Variants in CDH13 observed in about 807,000 individuals in gnomAD.
CDH13 encodes the protein cadherin 13.
A neutral mutation model predicts 63.8 loss-of-function variants in CDH13; 24 were observed. That is an observed-to-expected ratio of 0.38 (90% confidence interval 0.27 to 0.53). The LOEUF (loss-of-function observed/expected upper bound fraction) is 0.53, where lower values mean the gene tolerates loss of function less well. Among genes scored for constraint, CDH13 ranks in the 20% least tolerant of loss-of-function variants. The probability of loss-of-function intolerance (pLI) is 0.85; values close to 1 mark genes in which losing one functional copy is unlikely to be tolerated. For synonymous variants in CDH13, 503 were observed against 355.3 expected (o/e 1.42, Z -4.67); for missense variants, 1,049 against 903.1 (o/e 1.16, Z -2.07).
intron 6 of CDH13, among the ~76,000 whole-genome samples, chr16:83,380,438 A>G (rs1157807544): frequency 1.3e-5 from 2 of 152,216 alleles, no homozygotes; most frequent in Non-Finnish European, 2.9e-5. Flanking sequence ...ATTTGAAGAT[A>G]AAAGACGTGA....
At chr16:83,452,803 A>T (rs2072919798) in intron 6 of CDH13, among the ~76,000 whole-genome samples, 1 of 152,194 alleles carries the variant, frequency 6.6e-6, no homozygotes. Context: ...TTCGTGGATG[A>T]AGTGATACTG....
At chr16:82,833,731 G>T (rs543258460) in intron 1 of CDH13, among the ~76,000 whole-genome samples, 22 of 152,252 alleles carry the variant, frequency 1.4e-4, no homozygotes, top group African/African-American at 4.8e-4. Context: ...ATTCTCAGGG[G>T]ACACTTAAGC....
At chr16:82,874,364 G>A (rs2040437270) in intron 2 of CDH13, among the ~76,000 whole-genome samples, 1 of 151,974 alleles carries the variant, frequency 6.6e-6, no homozygotes, top group African/African-American at 2.4e-5. Flanking sequence ...CCACTTCTGG[G>A]AGCAGCAGAG....
chr16:82,858,182 C>A lies in CDH13; in HGVS notation c.46-180C>A, dbSNP rs901412925. Reference sequence around the variant, plus strand: ...GCAGCAGCTGTTCCATTTGCGTATTCTCCAAATCTCAGTGCCAAAAAGAAT... The same window carrying A: ...GCAGCAGCTGTTCCATTTGCGTATTATCCAAATCTCAGTGCCAAAAAGAAT... On this transcript the variant is annotated intron_variant, in intron 1 of 13. Transcript: ENST00000567109. Among the ~76,000 whole-genome samples, 3 of 152,304 alleles carry A rather than the reference C, an allele frequency of 2.0e-5. No homozygotes were observed. The East Asian group carries it at 5.8e-4, about 29-fold the overall frequency.
At chr16:83,777,263 G>A (rs1182810008) in intron 11 of CDH13, among the ~76,000 whole-genome samples, 1 of 152,200 alleles carries the variant, frequency 6.6e-6, no homozygotes, top group Admixed American at 6.5e-5. Context: ...CGTGCACTCT[G>A]TAGAATTGGT....
At chr16:83,442,967 A>G (rs2072525070) in intron 6 of CDH13, among the ~76,000 whole-genome samples, 1 of 152,248 alleles carries the variant, frequency 6.6e-6, no homozygotes, top group Admixed American at 6.5e-5. Context: ...GGCTTTTCCT[A>G]AACAGCTGAA....
chr16:83,303,074 C>G (rs2089788085), intron 5 of CDH13, among the ~76,000 whole-genome samples: 1 of 152,144 alleles, frequency 6.6e-6, no homozygotes, highest in African/African-American at 2.4e-5. Flanking sequence ...ATGATGGCAT[C>G]AGAGAGACAA....
chr16:83,604,449 T>C (rs945167354), intron 8 of CDH13, among the ~76,000 whole-genome samples: 4 of 152,190 alleles, frequency 2.6e-5, no homozygotes, highest in Non-Finnish European at 5.9e-5. Context: ...GAAAAAAATA[T>C]ACTTCAGGGT....
At chr16:83,675,887 T>TA (rs1394064555) in intron 9 of CDH13, among the ~76,000 whole-genome samples, 1 of 152,228 alleles carries the variant, frequency 6.6e-6, no homozygotes, top group East Asian at 1.9e-4. Flanking sequence ...GCACAAGAAT[T>TA]ACAGTCAATT....
chr16:83,508,086 AGG>A (rs2074450942), intron 7 of CDH13, among the ~76,000 whole-genome samples: 6 of 70,494 alleles, frequency 8.5e-5, no homozygotes, highest in Admixed American at 7.1e-4. Context: ...GAAGGAAGGA[AGG>A]AAGGAAGGAA....
chr16:83,387,060 C>T (rs987854969), intron 6 of CDH13, among the ~76,000 whole-genome samples: 4 of 152,098 alleles, frequency 2.6e-5, no homozygotes, highest in African/African-American at 9.7e-5. Context: ...AAATTAAATA[C>T]TTGTGTTCAT....
intron 1 of CDH13, among the ~76,000 whole-genome samples, chr16:82,837,314 C>T (rs979903530): frequency 2.0e-5 from 3 of 152,054 alleles, no homozygotes; most frequent in Admixed American, 6.6e-5. Context: ...GTGAGGATTA[C>T]GGGGAAAAGT....
At chr16:82,957,172 C>G in intron 2 of CDH13, among the ~76,000 whole-genome samples, 1 of 152,282 alleles carries the variant, frequency 6.6e-6, no homozygotes, top group South Asian at 2.1e-4. Context: ...TCTTGAAATA[C>G]ACAAGTGGAA....
chr16:82,897,529 G>A (rs1597165251), intron 2 of CDH13, among the ~76,000 whole-genome samples: 1 of 152,170 alleles, frequency 6.6e-6, no homozygotes, highest in Non-Finnish European at 1.5e-5. Flanking sequence ...AGCAACGCTG[G>A]GAGCTGCTAT....
At chr16:82,804,425 C>T (rs72805974) in intron 1 of CDH13, among the ~76,000 whole-genome samples, 23,850 of 151,986 alleles carry the variant, frequency 0.16, 2,294 homozygotes, top group East Asian at 0.37. Flanking sequence ...TAAAACATAT[C>T]AAATTGTATA....
At chr16:83,096,487 G>T (rs936199693) in intron 3 of CDH13, among the ~76,000 whole-genome samples, 6 of 152,172 alleles carry the variant, frequency 3.9e-5, no homozygotes, top group African/African-American at 9.7e-5. Flanking sequence ...AAATGAAAGT[G>T]CAATTACAGA....
intron 6 of CDH13, among the ~76,000 whole-genome samples, chr16:83,370,113 C>T (rs185449627): frequency 1.5e-4 from 23 of 152,304 alleles, no homozygotes; most frequent in Non-Finnish European, 1.5e-4. Flanking sequence ...GTTGGCTAGG[C>T]GCGGTGGCTC....
chr16:83,026,537 C>A (rs1915818713), intron 2 of CDH13, among the ~76,000 whole-genome samples: 1 of 151,988 alleles, frequency 6.6e-6, no homozygotes, highest in Non-Finnish European at 1.5e-5. Context: ...TATAGATATA[C>A]TTGTAGTACC....
intron 8 of CDH13, among the ~76,000 whole-genome samples, chr16:83,612,414 GTC>G (rs139144843): frequency 0.02 from 3,042 of 151,664 alleles, 101 homozygotes; most frequent in African/African-American, 0.069. Flanking sequence ...TTTAGTCTGT[GTC>G]TCTTTTAAGT....
Sources: gnomAD v4.1 joint callset for allele counts (sites outside exome capture counted in the v4.1 genomes callset) on GRCh38, gnomAD v4.1.1 for gene constraint, MANE v1.5 for transcripts, NCBI Gene and HGNC (gene_info 2026-07-23, HGNC 2026-07-21) for gene names.